Variants in KNG1 observed in about 807,000 individuals in gnomAD.
KNG1 encodes the protein kininogen 1.
A neutral mutation model predicts 47.8 loss-of-function variants in KNG1; 23 were observed. That is an observed-to-expected ratio of 0.48 (90% CI 0.35 to 0.68). KNG1 has a LOEUF of 0.68. Ranked by LOEUF, KNG1 falls within the 30% of genes least tolerant of loss-of-function variation. KNG1 has a pLI of 0.01. For missense variants in KNG1, 762 were observed against 790.2 expected (o/e 0.96, Z 0.43); for synonymous variants, 277 against 277.0 (o/e 1.00, Z 0.00).
chr3:186,743,068 C>T lies in KNG1; in HGVS notation c.*737C>T. 1.9e-6 allele frequency: 1 copy of T among 524,608 alleles called. No homozygotes were observed. Among genetic ancestry groups the T allele is most frequent in the South Asian group, 8.2e-5 (1 of 12,126 alleles). 32.5% of individuals were successfully genotyped at this position (524,608 alleles called of 1,614,324 possible). A position where few individuals can be genotyped will look rare whatever the true frequency, so the allele number is the denominator to read the frequency against. On this transcript the variant is annotated 3_prime_UTR_variant, in exon 10 of 10. Coordinates refer to ENST00000644859, the MANE Select transcript of KNG1 (RefSeq NM_001102416.3). The stretch of plus-strand genomic sequence containing the variant: ...GCCCTTTCTGAGTGAGAGTGTTTCT[C>T]ATAAGTCAAAAATTTCTGTTTACTC...
Position 186,741,743 on chromosome 3 carries a change from T to G in KNG1, c.1347T>G (p.Arg449=). The G allele has an allele frequency of 6.2e-7, 1 of 1,614,194 alleles. No homozygotes were observed. The highest frequency in any genetic ancestry group is 8.5e-7 in the Non-Finnish European group (1 of 1,180,034). The part of the protein sequence containing the change: ...HNLGHGHKHE[R]DQGHGHQRGH... ...TTGGCCATGGCCATAAACATGAACG[T>G]GACCAAGGGCATGGGCACCAAAGAG... The change falls in exon 10 of 10, where the codon CGT becomes CGG. Residue 449 remains arginine, a synonymous_variant. Transcript: ENST00000644859.
chr3:186,742,694 T>C lies in KNG1; in HGVS notation c.*363T>C, dbSNP rs1720847921. The C allele has an allele frequency of 9.5e-7, 1 of 1,052,392 alleles. No individual in the cohort carries two copies. The highest frequency in any genetic ancestry group is 8.0e-5 in the East Asian group (1 of 12,560). The allele number at this position is 1,052,392 out of a possible 1,614,324, so 65.2% of individuals were successfully genotyped here. Reference sequence around the variant, plus strand: ...AAGATTCTTGTCATTCTTAATAAACTGTGGCACTTGGTATTTGAATGTGTG... The same window carrying C: ...AAGATTCTTGTCATTCTTAATAAACCGTGGCACTTGGTATTTGAATGTGTG... On this transcript the variant is annotated 3_prime_UTR_variant, in exon 10 of 10. Coordinates refer to ENST00000644859, the MANE Select transcript of KNG1 (RefSeq NM_001102416.3).
chr3:186,726,997 C>A (rs1021910955), intron 4 of KNG1, among the ~76,000 whole-genome samples: 1 of 148,866 alleles, frequency 6.7e-6, no homozygotes, highest in Admixed American at 6.9e-5. Flanking sequence ...TATTGCTTGT[C>A]ATTTTCAGAT....
chr3:186,725,543 A>ATTGTTTTTTTTTTTTTT (rs1720336911), intron 4 of KNG1, among the ~76,000 whole-genome samples: 1 of 87,726 alleles, frequency 1.1e-5, no homozygotes, highest in African/African-American at 4.7e-5. Context: ...CGGCCTTAGG[A>ATTGTTTTTTTTTTTTTT]TTTTTTTTTT....
At position 186,727,262 on chromosome 3, in the gene KNG1, T is replaced by G. The variant is rs367905655; in HGVS notation, c.590T>G (p.Ile197Ser). 40 of 1,613,196 alleles carry G rather than the reference T, an allele frequency of 2.5e-5. No homozygotes were observed. Among genetic ancestry groups the G allele is most frequent in the Non-Finnish European group, 3.3e-5 (39 of 1,179,238 alleles). ...GTGGTGGCTGGATTGAACTTTCGAATTACCTACTCAATTGTGCAAACGAAT... is the reference window on the plus strand; with the variant it reads ...GTGGTGGCTGGATTGAACTTTCGAAGTACCTACTCAATTGTGCAAACGAAT... ...RQVVAGLNFRITYSIVQTNCS... is the reference protein window; with the variant it reads ...RQVVAGLNFRSTYSIVQTNCS... Residue 197 changes from isoleucine to serine, a missense_variant, in exon 5 of 10, where the codon ATT becomes AGT. Coordinates refer to ENST00000644859, the MANE Select transcript of KNG1 (RefSeq NM_001102416.3).
intron 2 of KNG1, chr3:186,722,222 C>A: frequency 1.8e-6 from 1 of 542,104 alleles, no homozygotes; most frequent in Non-Finnish European, 3.3e-6. Flanking sequence ...TTTACACTGT[C>A]TTTCCTCCAG....
At chr3:186,724,521 T>C (rs1317950804) in intron 3 of KNG1, among the ~76,000 whole-genome samples, 1 of 152,200 alleles carries the variant, frequency 6.6e-6, no homozygotes, top group Admixed American at 6.5e-5. Context: ...TGGGCATTTT[T>C]TCACATATCT....
Position 186,722,464 on chromosome 3 carries a change from G to A in KNG1, c.334G>A (p.Gly112Arg), listed in dbSNP as rs1242654546. The change falls in exon 3 of 10, where the codon GGG becomes AGG. Residue 112 changes from glycine to arginine, a missense_variant. Coordinates refer to ENST00000644859, the MANE Select transcript of KNG1 (RefSeq NM_001102416.3). ...CACTGGAGAATGCACGGCAACCGTG[G>A]GGAAGAGGAGCAGTACGAAATTCTC... ...AATGECTATV[G>R]KRSSTKFSVA... 3 of 1,613,810 alleles carry A rather than the reference G, an allele frequency of 1.9e-6. No individual in the cohort carries two copies. In the Admixed American group the frequency reaches 5.0e-5, roughly 27 times the overall value.
chr3:186,727,494 G>A (rs916634154), intron 5 of KNG1, 150 bp downstream of exon 5: 26 of 653,892 alleles, frequency 4.0e-5, no homozygotes, highest in Admixed American at 9.2e-5. Context: ...TAAAGCTCAC[G>A]TCACTGGTCA....
At chr3:186,718,612 G>T (rs1417211361) in intron 1 of KNG1, 2 of 151,612 alleles carry the variant, frequency 1.3e-5, no homozygotes, top group East Asian at 2.0e-4. Context: ...AATCTCAACA[G>T]GACCAAGTAG....
chr3:186,721,159 G>A (rs904434655), intron 2 of KNG1: 2 of 152,060 alleles, frequency 1.3e-5, no homozygotes, highest in African/African-American at 4.8e-5. Context: ...CTCTTTTCAT[G>A]GATTGATTCC....
At chr3:186,720,499 C>A in intron 2 of KNG1, 8 of 351,354 alleles carry the variant, frequency 2.3e-5, no homozygotes, top group East Asian at 1.2e-4. Context: ...AACAAATTGA[C>A]ATTTGGGCCA....
intron 5 of KNG1, among the ~76,000 whole-genome samples, chr3:186,730,155 T>G (rs1255104867): frequency 1.1e-4 from 6 of 54,910 alleles, no homozygotes; most frequent in African/African-American, 5.1e-4. Flanking sequence ...GTTATTTTGT[T>G]TTTTTTTTCC....
At chr3:186,731,200 C>T (rs1648722) in intron 5 of KNG1, among the ~76,000 whole-genome samples, 58,758 of 151,830 alleles carry the variant, frequency 0.39, 11,504 homozygotes, top group South Asian at 0.48. Flanking sequence ...TTGTTTTTAT[C>T]ATAAGATGAT....
At chr3:186,722,929 T>C (rs1258796217) in intron 3 of KNG1, among the ~76,000 whole-genome samples, 5 of 152,322 alleles carry the variant, frequency 3.3e-5, no homozygotes, top group Admixed American at 2.0e-4. Context: ...GTAAGAGTAC[T>C]TCCCACTTCA....
At position 186,744,050 on chromosome 3, in the gene KNG1, C is replaced by T; in HGVS notation, c.*1719C>T. 1 of 511,776 alleles carries T rather than the reference C, an allele frequency of 2.0e-6. No individual in the cohort carries two copies. Among genetic ancestry groups the T allele is most frequent in the Admixed American group, 3.1e-5 (1 of 31,922 alleles). The allele number at this position is 511,776 out of a possible 1,614,324, so 31.7% of individuals were successfully genotyped here. A position where few individuals can be genotyped will look rare whatever the true frequency, so the allele number is the denominator to read the frequency against. On this transcript the variant is annotated 3_prime_UTR_variant, in exon 10 of 10. Coordinates refer to ENST00000644859, the MANE Select transcript of KNG1 (RefSeq NM_001102416.3). ...GGCTCTGCCATGGAGGCTCATAACC[C>T]AACACTGGAACATTCCCTAGCCAAG... is the stretch of plus-strand genomic sequence containing the variant.
rs988825233 is a variant in KNG1, at chr3:186,731,197, TATC to T, written c.673-345_673-343del. Among the ~76,000 whole-genome samples the T allele has an allele frequency of 6.1e-4, 93 of 152,356 alleles. 2 individuals are homozygous for T. The highest frequency in any genetic ancestry group is 5.3e-3 in the Admixed American group (81 of 15,294). Reference sequence around the variant, plus strand: ...ATTTTTAAGCTTTATACATTGTTTTTATCATAAGATGATTCTTGAAACTGTAAT... The same window carrying T: ...ATTTTTAAGCTTTATACATTGTTTTTATAAGATGATTCTTGAAACTGTAAT... On this transcript the variant is annotated intron_variant, in intron 5 of 9. Coordinates refer to ENST00000644859, the MANE Select transcript of KNG1 (RefSeq NM_001102416.3).
chr3:186,743,939 G>A lies in KNG1; in HGVS notation c.*1608G>A. On this transcript the variant is annotated 3_prime_UTR_variant, in exon 10 of 10. Coordinates refer to ENST00000644859, the MANE Select transcript of KNG1 (RefSeq NM_001102416.3). ...TCTGGGTGAAATAAAGATCAGTCTT[G>A]ATGTTCTAACTCTAATTCACAGTGG... is the stretch of plus-strand genomic sequence containing the variant. 1 of 698,424 alleles carries A rather than the reference G, an allele frequency of 1.4e-6. No homozygotes were observed. The highest frequency in any genetic ancestry group is 2.0e-5 in the Admixed American group (1 of 49,120). 43.3% of individuals were successfully genotyped at this position (698,424 alleles called of 1,614,324 possible).
At chr3:186,719,274 G>GTTTAT (rs1720114850) in intron 1 of KNG1, among the ~76,000 whole-genome samples, 1 of 152,030 alleles carries the variant, frequency 6.6e-6, no homozygotes, top group African/African-American at 2.4e-5. Context: ...CAATAAAGCT[G>GTTTAT]TTTAAAAAAG....
Sources: gnomAD v4.1 joint callset for allele counts (sites outside exome capture counted in the v4.1 genomes callset) on GRCh38, gnomAD v4.1.1 for gene constraint, MANE v1.5 for transcripts, NCBI Gene and HGNC (gene_info 2026-07-23, HGNC 2026-07-21) for gene names.